Variants in EPB41L2 observed in about 807,000 individuals in gnomAD.
EPB41L2 encodes the protein erythrocyte membrane protein band 4.1 like 2, also known as band 4.1-like protein 2.
In EPB41L2, 43 loss-of-function variants were observed where a neutral mutation model predicts 113.0. The ratio of observed to expected loss-of-function variants is 0.38; its 90% CI spans 0.30 to 0.49. The LOEUF (loss-of-function observed/expected upper bound fraction) is 0.49. Among genes scored for constraint, EPB41L2 ranks in the 20% least tolerant of loss-of-function variants. EPB41L2 has a pLI of 0.95. For synonymous variants in EPB41L2, 442 were observed against 436.7 expected (o/e 1.01, Z -0.15); for missense variants, 1,147 against 1,223.4 (o/e 0.94, Z 0.93).
chr6:131,044,251 C>T (rs766904062), intron 1 of EPB41L2, among the ~76,000 whole-genome samples: 3 of 151,848 alleles, frequency 2.0e-5, no homozygotes, highest in Non-Finnish European at 4.4e-5. Context: ...GTCTCAAACT[C>T]CTGGGCCGAA....
intron 18 of EPB41L2, among the ~76,000 whole-genome samples, chr6:130,862,233 T>C (rs938169988): frequency 1.1e-4 from 17 of 152,126 alleles, no homozygotes; most frequent in African/African-American, 3.9e-4. Flanking sequence ...ACAATACACA[T>C]AAGTAAAACC....
rs116255718 is a variant in EPB41L2 at position 130,988,184 on chromosome 6, T to A, written c.-14-31685A>T. Among the ~76,000 whole-genome samples, 996 of 152,242 alleles carry A rather than the reference T, an allele frequency of 6.5e-3. 19 individuals carry two copies. The highest frequency in any genetic ancestry group is 0.023 in the African/African-American group (960 of 41,532). On this transcript the variant is annotated intron_variant, in intron 1 of 19. Transcript: ENST00000337057. ...AAAATAACAAATAAAGAATAGGTAT[T>A]AAACACATTTTAGAGAAAATAATCC...
chr6:130,845,269 G>A (rs1049411177), intron 19 of EPB41L2, among the ~76,000 whole-genome samples: 2 of 152,222 alleles, frequency 1.3e-5, no homozygotes, highest in Non-Finnish European at 1.5e-5. Context: ...GTCCTTTTCA[G>A]TGTGTTGGCA....
At chr6:130,994,436 T>G (rs940193869) in intron 1 of EPB41L2, among the ~76,000 whole-genome samples, 2 of 152,094 alleles carry the variant, frequency 1.3e-5, no homozygotes, top group South Asian at 4.2e-4. Context: ...AACCTAACGC[T>G]GGGACTCACC....
At chr6:130,909,778 A>G (rs1299289406) in intron 4 of EPB41L2, among the ~76,000 whole-genome samples, 1 of 152,202 alleles carries the variant, frequency 6.6e-6, no homozygotes, top group East Asian at 1.9e-4. Context: ...CCCATTCACA[A>G]TTGCTACTAA....
intron 4 of EPB41L2, among the ~76,000 whole-genome samples, chr6:130,915,104 C>T (rs560275763): frequency 5.4e-4 from 82 of 152,100 alleles, no homozygotes; most frequent in Middle Eastern, 3.4e-3. Context: ...GAGATCGAGA[C>T]CATCCCGGCT....
intron 12 of EPB41L2, chr6:130,880,558 A>C (rs1001968760): frequency 8.7e-6 from 5 of 572,486 alleles, no homozygotes; most frequent in Admixed American, 6.5e-5. Context: ...ATCAGTGCAA[A>C]GAAGCTGTAT....
chr6:130,955,213 G>C lies in EPB41L2; in HGVS notation c.597C>G (p.Thr199=). Residue 199 remains threonine (T), a synonymous_variant, in exon 3 of 20, where the codon ACC becomes ACG. Transcript: ENST00000337057. The part of the protein sequence containing the change: ...AAKRETKEVQ[T]NELKAEKASQ... ...ATGCCTTCTCTGCTTTCAGCTCATT[G>C]GTCTGCACTTCCTTGGTCTCCCTTT... The C allele has an allele frequency of 6.2e-7, 1 of 1,613,920 alleles. No individual in the cohort carries two copies. The highest frequency in any genetic ancestry group is 1.1e-5 in the South Asian group (1 of 91,062).
chr6:130,926,755 A>G (rs779354315), intron 3 of EPB41L2, 46 bp from the exon 4 acceptor site: 1 of 1,184,226 alleles, frequency 8.4e-7, no homozygotes, highest in South Asian at 1.4e-5. Flanking sequence ...TAAAGATTCC[A>G]AGACTGCTAT....
At chr6:130,975,205 C>A (rs543215204) in intron 1 of EPB41L2, among the ~76,000 whole-genome samples, 1 of 152,246 alleles carries the variant, frequency 6.6e-6, no homozygotes, top group South Asian at 2.1e-4. Context: ...GAATTTATAT[C>A]TATTACATGT....
At position 130,890,360 on chromosome 6, in the gene EPB41L2, T is replaced by C. The variant is rs749340210; in HGVS notation, c.1594A>G (p.Ile532Val). The C allele has an allele frequency of 1.2e-6, 2 of 1,613,844 alleles. No homozygotes were observed. The highest frequency in any genetic ancestry group is 1.7e-5 in the Admixed American group (1 of 59,972). ...QAQTRQASTLIDRPAPHFERT... is the reference protein window; with the variant it reads ...QAQTRQASTLVDRPAPHFERT... Reference sequence around the variant, plus strand: ...TCAAAGTGTGGTGCTGGCCTATCTATGAGGGTGCTGGCCTGGCGGGTCTGT... The same window carrying C: ...TCAAAGTGTGGTGCTGGCCTATCTACGAGGGTGCTGGCCTGGCGGGTCTGT... Residue 532 changes from isoleucine to valine, a missense_variant, in exon 11 of 20, where the codon ATA becomes GTA. By Grantham distance (29) the Ile-to-Val change is conservative. Coordinates refer to ENST00000337057, the MANE Select transcript of EPB41L2 (RefSeq NM_001431.4).
intron 7 of EPB41L2, 110 bp from the exon 8 acceptor site, chr6:130,899,688 G>C (rs1795761005): frequency 2.1e-6 from 2 of 950,044 alleles, no homozygotes; most frequent in South Asian, 3.0e-5. Flanking sequence ...AAGTTACCCA[G>C]CCAAGTTTGC....
At chr6:130,955,433 T>G (rs871628) in intron 2 of EPB41L2, 116 bp from the exon 3 acceptor site, 12,979 of 1,020,992 alleles carry the variant, frequency 0.013, 536 homozygotes, top group African/African-American at 0.12. Context: ...ACTGTAACTT[T>G]CAGATTTTTA....
intron 11 of EPB41L2, 37 bp downstream of exon 11, chr6:130,890,257 G>C: frequency 6.3e-7 from 1 of 1,582,110 alleles, no homozygotes; most frequent in South Asian, 1.2e-5. Flanking sequence ...ATTAGAGAAA[G>C]ATGAATGAAA....
chr6:130,906,432 T>G (rs557665733), intron 5 of EPB41L2, among the ~76,000 whole-genome samples: 1 of 152,344 alleles, frequency 6.6e-6, no homozygotes, highest in Admixed American at 6.5e-5. Context: ...TGCATTACTC[T>G]TCACATACTA....
Position 130,980,938 on chromosome 6 carries a change from G to A in EPB41L2, c.-14-24439C>T, listed in dbSNP as rs190921582. Among the ~76,000 whole-genome samples the A allele has an allele frequency of 1.5e-4, 23 of 152,202 alleles. No homozygotes were observed. The East Asian group carries it at 4.4e-3, about 29-fold the overall frequency. ...GGACATTCATTCTATTTTATAGAAT[G>A]AGGTGTTGCTCCAGTCTTGAATGGC... On this transcript the variant is annotated intron_variant, in intron 1 of 19. Transcript: ENST00000337057.
At chr6:130,861,377 A>G (rs1781988746) in intron 18 of EPB41L2, among the ~76,000 whole-genome samples, 1 of 152,200 alleles carries the variant, frequency 6.6e-6, no homozygotes, top group Non-Finnish European at 1.5e-5. Context: ...CAGCCTGAAG[A>G]TTCCTTTTAA....
chr6:130,900,799 G>A (rs1796070806), intron 7 of EPB41L2, among the ~76,000 whole-genome samples, 163 bp downstream of exon 7: 1 of 152,132 alleles, frequency 6.6e-6, no homozygotes. Flanking sequence ...AATAATGAAA[G>A]GATACCTCAA....
chr6:130,916,833 C>A (rs555077342), intron 4 of EPB41L2, among the ~76,000 whole-genome samples: 119 of 152,332 alleles, frequency 7.8e-4, no homozygotes, highest in African/African-American at 2.8e-3. Context: ...GCTGCTGGTC[C>A]TTGGACCACT....
Sources: gnomAD v4.1 joint callset for allele counts (sites outside exome capture counted in the v4.1 genomes callset) on GRCh38, gnomAD v4.1.1 for gene constraint, MANE v1.5 for transcripts, NCBI Gene and HGNC (gene_info 2026-07-23, HGNC 2026-07-21) for gene names.